Variants in AMZ2 observed in about 807,000 individuals in gnomAD.
The protein encoded by AMZ2 is archaelysin family metallopeptidase 2.
In AMZ2, 26 loss-of-function variants were observed where a neutral mutation model predicts 36.7. That is an observed-to-expected ratio of 0.71 (90% CI 0.52 to 0.98). The LOEUF is 0.98. Among genes scored for constraint, AMZ2 ranks in the 50% least tolerant of loss-of-function variants. The pLI is 0.00. For synonymous variants in AMZ2, 144 were observed against 149.1 expected, an observed-to-expected ratio of 0.97 and a Z score of 0.25; for missense variants, 394 against 430.5, an observed-to-expected ratio of 0.92 and a Z score of 0.75.
intron 1 of AMZ2, among the ~76,000 whole-genome samples, chr17:68,229,873 T>G (rs1423513290): frequency 1.3e-5 from 2 of 152,290 alleles, no homozygotes; most frequent in East Asian, 3.9e-4. Context: ...TGGCTGAGCT[T>G]CTCGTTCTCC....
At position 68,224,168 on chromosome 17, in the gene AMZ2, C is replaced by T. The variant is rs572478052; in HGVS notation, c.-67+17930C>T. 9.1e-4 allele frequency among the ~76,000 whole-genome samples: 139 copies of T among 152,310 alleles called. 1 individual carries two copies. Among genetic ancestry groups the T allele is most frequent in the South Asian group, 6.8e-3 (33 of 4,832 alleles). On this transcript the variant is annotated intron_variant, in intron 1 of 7. Coordinates refer to the AMZ2 transcript ENST00000674770. Reference sequence around the variant, plus strand: ...ATGTTGGCCAGGCCGGTCTCGAACTCCTGACCTCAGGTGATCTGCCAGCCT... The same window carrying T: ...ATGTTGGCCAGGCCGGTCTCGAACTTCTGACCTCAGGTGATCTGCCAGCCT...
intron 6 of AMZ2, 67 bp downstream of exon 6, chr17:68,255,943 A>G: frequency 6.7e-7 from 1 of 1,492,498 alleles, no homozygotes; most frequent in East Asian, 2.3e-5. Flanking sequence ...CCATGTTTCT[A>G]TTATATCCTT....
chr17:68,232,867 C>G (rs1474745134), intron 1 of AMZ2, among the ~76,000 whole-genome samples: 1 of 152,204 alleles, frequency 6.6e-6, no homozygotes, highest in Non-Finnish European at 1.5e-5. Flanking sequence ...TGTTCATTCT[C>G]CTCAACACCA....
chr17:68,208,136 G>A (rs1404973245), intron 1 of AMZ2, among the ~76,000 whole-genome samples: 2 of 152,142 alleles, frequency 1.3e-5, no homozygotes, highest in East Asian at 1.9e-4. Flanking sequence ...CCTCCCTGAC[G>A]AGCACCGCCC....
upstream of AMZ2, among the ~76,000 whole-genome samples, chr17:68,245,801 A>C (rs1157507367): frequency 6.6e-6 from 1 of 152,170 alleles, no homozygotes; most frequent in Non-Finnish European, 1.5e-5. Flanking sequence ...GAAATAGGTT[A>C]CAATCATTGT....
chr17:68,206,354 C>A, intron 1 of AMZ2: 6 of 1,080,598 alleles, frequency 5.6e-6, no homozygotes, highest in Non-Finnish European at 7.0e-6. Flanking sequence ...GCCTCCCCCC[C>A]AAACAGAGGG....
chr17:68,240,861 A>G (rs1381224319), intron 1 of AMZ2, among the ~76,000 whole-genome samples: 4 of 152,222 alleles, frequency 2.6e-5, no homozygotes, highest in African/African-American at 9.7e-5. Context: ...TTCCACACCA[A>G]CCCAGATAAA....
upstream of AMZ2, among the ~76,000 whole-genome samples, chr17:68,244,114 C>A (rs1568365595): frequency 6.6e-6 from 1 of 152,128 alleles, no homozygotes; most frequent in Non-Finnish European, 1.5e-5. Context: ...CAAAGGACAT[C>A]ATACATATGG....
chr17:68,215,974 T>C (rs1410736847), intron 1 of AMZ2, among the ~76,000 whole-genome samples: 1 of 152,176 alleles, frequency 6.6e-6, no homozygotes, highest in African/African-American at 2.4e-5. Flanking sequence ...TTCAGAGACC[T>C]GTAAAAAGAA....
intron 1 of AMZ2, among the ~76,000 whole-genome samples, chr17:68,212,000 T>C (rs1488264567): frequency 6.6e-6 from 1 of 151,898 alleles, no homozygotes; most frequent in Non-Finnish European, 1.5e-5. Context: ...TTTATCTCTA[T>C]CTATATATAT....
chr17:68,244,212 A>C (rs1555734695), upstream of AMZ2, among the ~76,000 whole-genome samples: 1 of 152,206 alleles, frequency 6.6e-6, no homozygotes, highest in East Asian at 1.9e-4. Context: ...TTTTAGTTGT[A>C]CTGTGGCTAC....
chr17:68,254,392 C>G lies in AMZ2; in HGVS notation c.587-12C>G. The G allele has an allele frequency of 6.2e-7, 1 of 1,601,640 alleles. No individual in the cohort carries two copies. Among genetic ancestry groups the G allele is most frequent in the African/African-American group, 1.3e-5 (1 of 74,228 alleles). ...TACTCTCATTCTGTCACTGTTTGTC[C>G]TTTTTTTGTAGGTGTGGGGATATTC... On this transcript the variant is annotated splice_polypyrimidine_tract_variant and intron_variant, in intron 4 of 6. Transcript: ENST00000359904.
intron 1 of AMZ2, among the ~76,000 whole-genome samples, chr17:68,222,651 A>G (rs568282832): frequency 6.6e-6 from 1 of 152,358 alleles, no homozygotes; most frequent in African/African-American, 2.4e-5. Flanking sequence ...GCGATAGATC[A>G]TCGAGCATTA....
intron 1 of AMZ2, among the ~76,000 whole-genome samples, chr17:68,219,211 C>A (rs1197264017): frequency 2.0e-5 from 3 of 152,132 alleles, no homozygotes; most frequent in Admixed American, 2.0e-4. Flanking sequence ...GTAATCCGCC[C>A]GCCTCAGCCT....
chr17:68,246,098 G>T (rs1339605477), upstream of AMZ2, among the ~76,000 whole-genome samples: 1 of 150,554 alleles, frequency 6.6e-6, no homozygotes, highest in African/African-American at 2.5e-5. Context: ...CTGAGGTCAG[G>T]AGTTCAAGAC....
intron 1 of AMZ2, among the ~76,000 whole-genome samples, chr17:68,236,868 C>T (rs1405232267): frequency 2.0e-5 from 3 of 152,176 alleles, no homozygotes; most frequent in African/African-American, 4.8e-5. Context: ...GCGTGAGCCA[C>T]CATGCCCGGC....
chr17:68,255,747 G>C lies in AMZ2; in HGVS notation c.798G>C (p.Gln266His). 6.2e-7 allele frequency: 1 copy of C among 1,614,220 alleles called. No homozygotes were observed. ...ACATATTTGGACTGCGACACTGCCA[G>C]TGGCTTGCATGCCTCATGCAAGGCT... is the stretch of plus-strand genomic sequence containing the variant. Reference protein sequence around the residue: ...IGHIFGLRHCQWLACLMQGSN... With the variant: ...IGHIFGLRHCHWLACLMQGSN... The change falls in exon 6 of 7, where the codon CAG (glutamine) becomes CAC (histidine). Residue 266 changes from glutamine to histidine, a missense_variant. Transcript: ENST00000359904.
chr17:68,246,350 A>T (rs535465134), upstream of AMZ2, among the ~76,000 whole-genome samples: 70 of 152,274 alleles, frequency 4.6e-4, 1 homozygote, highest in South Asian at 0.013. Flanking sequence ...TCTGGATGAC[A>T]GAGCGAGACT....
chr17:68,209,632 A>ATATATGTATATATTTT, intron 1 of AMZ2, among the ~76,000 whole-genome samples: 1 of 90,700 alleles, frequency 1.1e-5, no homozygotes, highest in Non-Finnish European at 2.0e-5. Flanking sequence ...ATATATATAT[A>ATATATGTATATATTTT]TTTTTTTTTT....
Sources: allele counts gnomAD v4.1 joint callset (sites outside exome capture counted in the v4.1 genomes callset), GRCh38; gene constraint gnomAD v4.1.1; transcripts MANE v1.5; gene names NCBI Gene and HGNC (gene_info 2026-07-23, HGNC 2026-07-21).